PDXP: variants seen among roughly 807,000 people sequenced by gnomAD.
PDXP encodes pyridoxal phosphatase, also known as chronophin.
In PDXP, 15 loss-of-function variants were observed where a neutral mutation model predicts 14.4. The observed-to-expected ratio is 1.04, with a 90% CI of 0.70 to 1.60. The LOEUF (loss-of-function observed/expected upper bound fraction) is 1.60. Ranked by LOEUF, PDXP falls within the 40% of genes most tolerant of loss-of-function variation. The pLI is 0.00. For missense variants in PDXP, 413 were observed against 427.6 expected (o/e 0.97, Z 0.30); for synonymous variants, 233 against 205.6 (o/e 1.13, Z -1.14).
intron 1 of PDXP, among the ~76,000 whole-genome samples, chr22:37,663,314 A>AAAAT (rs1933240270): frequency 6.6e-6 from 1 of 151,758 alleles, no homozygotes; most frequent in African/African-American, 2.4e-5. Context: ...AAAAAAAAAA[A>AAAAT]AAAAAATCAT....
Position 37,665,975 on chromosome 22 carries a change from C to G in PDXP, c.*104C>G. 8.2e-7 allele frequency: 1 copy of G among 1,223,314 alleles called. No individual in the cohort carries two copies. The highest frequency in any genetic ancestry group is 1.2e-6 in the Non-Finnish European group (1 of 868,428). The allele number at this position is 1,223,314 out of a possible 1,614,324, so 75.8% of individuals were successfully genotyped here. On this transcript the variant is annotated 3_prime_UTR_variant, in exon 2 of 2. Transcript: ENST00000215904. ...TGTTAAGCACAACCGGCTCCTTGGT[C>G]CAGTTCTGCACCGGGGTGGGGCTGG...
chr22:37,665,355 G>A (rs1921034102), intron 1 of PDXP, among the ~76,000 whole-genome samples, 200 bp from the exon 2 acceptor site: 2 of 152,234 alleles, frequency 1.3e-5, no homozygotes, highest in East Asian at 3.9e-4. Context: ...TGCCAAGAAC[G>A]GTGGAGATGG....
intron 1 of PDXP, among the ~76,000 whole-genome samples, chr22:37,660,108 T>C (rs1004190892): frequency 2.0e-5 from 3 of 152,154 alleles, no homozygotes; most frequent in East Asian, 3.8e-4. Flanking sequence ...TGCTTGAGCC[T>C]AGGAGGTCAA....
At chr22:37,663,365 G>T (rs571376648) in intron 1 of PDXP, among the ~76,000 whole-genome samples, 6 of 151,476 alleles carry the variant, frequency 4.0e-5, no homozygotes, top group East Asian at 3.9e-4. Context: ...TTGAGACAGG[G>T]TCTCGCTCTG....
rs763030330 is a variant in PDXP, at chr22:37,661,917, A to ATTTT, written c.574+2600_574+2603dup. ...CTTTTATTCTCTCTCTTTTTCTTTA[A>ATTTT]TTTTTTTTTTTTTTTTTTTTTTTTT... On this transcript the variant is annotated intron_variant, in intron 1 of 1. Transcript: ENST00000215904. Among the ~76,000 whole-genome samples the ATTTT allele has an allele frequency of 1.2e-3, 87 of 71,206 alleles. 5 individuals carry two copies. The highest frequency in any genetic ancestry group is 2.4e-3 in the East Asian group (5 of 2,090). The allele number at this position is 71,206 out of a possible 152,430, so 46.7% of individuals were successfully genotyped here.
intron 1 of PDXP, among the ~76,000 whole-genome samples, chr22:37,661,553 A>G (rs1364737288): frequency 2.0e-5 from 3 of 152,206 alleles, no homozygotes; most frequent in Non-Finnish European, 4.4e-5. Context: ...CGTCATCAGC[A>G]TAACATGCAG....
intron 1 of PDXP, among the ~76,000 whole-genome samples, chr22:37,661,503 C>G (rs555528040): frequency 3.3e-4 from 51 of 152,312 alleles, no homozygotes; most frequent in African/African-American, 9.9e-4. Context: ...ATGGCAGCCA[C>G]TTGAGCTGAC....
chr22:37,664,453 G>C (rs539864408), intron 1 of PDXP, among the ~76,000 whole-genome samples: 3 of 152,230 alleles, frequency 2.0e-5, no homozygotes, highest in African/African-American at 7.2e-5. Flanking sequence ...TTCCTGCATA[G>C]GAAACAATCT....
Position 37,658,882 on chromosome 22 carries a change from G to A in PDXP, c.100G>A (p.Glu34Lys), listed in dbSNP as rs748333664. The A allele has an allele frequency of 1.6e-6, 2 of 1,222,254 alleles. No individual in the cohort carries two copies. The highest frequency in any genetic ancestry group is 4.2e-5 in the Admixed American group (1 of 23,624). The allele number at this position is 1,222,254 out of a possible 1,614,324, so 75.7% of individuals were successfully genotyped here. The change falls in exon 1 of 2, where the codon GAG becomes AAG. Residue 34 changes from glutamate to lysine, a missense_variant. By Grantham distance (56) the Glu-to-Lys change is moderately conservative. Coordinates refer to ENST00000215904, the MANE Select transcript of PDXP (RefSeq NM_020315.5). ...FDCDGVLWNG[E>K]RAVPGAPELL... The stretch of plus-strand genomic sequence containing the variant: ...CTGTGACGGGGTGCTGTGGAACGGC[G>A]AGCGCGCCGTGCCGGGCGCCCCGGA...
Position 37,658,920 on chromosome 22 carries a change from G to A in PDXP, c.138G>A (p.Arg46=). Residue 46 remains arginine, a synonymous_variant, in exon 1 of 2, where the codon CGG becomes CGA. Coordinates refer to ENST00000215904, the MANE Select transcript of PDXP (RefSeq NM_020315.5). ...AVPGAPELLE[R]LARAGKAALF... ...CGGGCGCCCCGGAGCTGCTGGAGCG[G>A]CTGGCGCGGGCCGGCAAGGCGGCTC... The A allele has an allele frequency of 2.5e-6, 3 of 1,220,362 alleles. No homozygotes were observed. Among genetic ancestry groups the A allele is most frequent in the Non-Finnish European group, 3.1e-6 (3 of 977,636 alleles). The allele number at this position is 1,220,362 out of a possible 1,614,324, so 75.6% of individuals were successfully genotyped here.
chr22:37,665,509 C>G, intron 1 of PDXP, 46 bp from the exon 2 acceptor site: 1 of 1,480,126 alleles, frequency 6.8e-7, no homozygotes, highest in Non-Finnish European at 9.1e-7. Context: ...GGGCCTGACG[C>G]TGTCCCTGCC....
chr22:37,658,904 C>T lies in PDXP; in HGVS notation c.122C>T (p.Pro41Leu). Residue 41 changes from proline to leucine, a missense_variant, in exon 1 of 2, where the codon CCG (proline) becomes CTG (leucine). Pro to Leu is a moderately conservative substitution (Grantham distance 98). Coordinates refer to ENST00000215904, the MANE Select transcript of PDXP (RefSeq NM_020315.5). ...GGCGAGCGCGCCGTGCCGGGCGCCC[C>T]GGAGCTGCTGGAGCGGCTGGCGCGG... ...WNGERAVPGA[P>L]ELLERLARAG... is the part of the protein sequence containing the mutation. The T allele has an allele frequency of 8.1e-7, 1 of 1,227,662 alleles. No individual in the cohort carries two copies. Among genetic ancestry groups the T allele is most frequent in the South Asian group, 3.2e-5 (1 of 31,616 alleles). 76.0% of individuals were successfully genotyped at this position (1,227,662 alleles called of 1,614,324 possible).
chr22:37,665,659 A>G lies in PDXP; in HGVS notation c.679A>G (p.Ser227Gly). The change falls in exon 2 of 2, where the codon AGC (serine) becomes GGC (glycine). Residue 227 changes from serine to glycine, a missense_variant. Physicochemically the swap from Ser to Gly is moderately conservative, Grantham distance 56. Transcript: ENST00000215904. The stretch of plus-strand genomic sequence containing the variant: ...GTTCGAGTGCATCACGGAGAACTTC[A>G]GCATCGACCCCGCACGCACGCTTAT... ...YMFECITENF[S>G]IDPARTLMVG... The G allele has an allele frequency of 6.2e-7, 1 of 1,614,100 alleles. No individual in the cohort carries two copies. The highest frequency in any genetic ancestry group is 8.5e-7 in the Non-Finnish European group (1 of 1,180,024).
In PDXP at chr22:37,665,965, G is replaced by C; in HGVS notation, c.*94G>C. The C allele has an allele frequency of 4.6e-6, 6 of 1,315,538 alleles. No homozygotes were observed. The highest frequency in any genetic ancestry group is 6.3e-6 in the Non-Finnish European group (6 of 946,826). 81.5% of individuals were successfully genotyped at this position (1,315,538 alleles called of 1,614,324 possible). On this transcript the variant is annotated 3_prime_UTR_variant, in exon 2 of 2. Coordinates refer to ENST00000215904, the MANE Select transcript of PDXP (RefSeq NM_020315.5). ...TCACGAGCCATGTTAAGCACAACCG[G>C]CTCCTTGGTCCAGTTCTGCACCGGG...
At chr22:37,660,959 A>G (rs1246795519) in intron 1 of PDXP, among the ~76,000 whole-genome samples, 2 of 152,140 alleles carry the variant, frequency 1.3e-5, no homozygotes, top group Non-Finnish European at 2.9e-5. Context: ...GGCTCACCTC[A>G]GCCTCAGTTT....
At chr22:37,660,073 A>G (rs1215813144) in intron 1 of PDXP, among the ~76,000 whole-genome samples, 1 of 152,138 alleles carries the variant, frequency 6.6e-6, no homozygotes, top group Non-Finnish European at 1.5e-5. Flanking sequence ...AGTCCCAGCT[A>G]CTCGAGAGGC....
At chr22:37,663,943 T>TTG (rs1920992863) in intron 1 of PDXP, among the ~76,000 whole-genome samples, 1 of 111,562 alleles carries the variant, frequency 9.0e-6, no homozygotes, top group Admixed American at 9.1e-5. Flanking sequence ...TTTTTTTTTT[T>TTG]TTGAGCCAGA....
rs1300123853 is a variant in PDXP at position 37,665,827 on chromosome 22, T to C, written c.847T>C (p.Tyr283His). The C allele has an allele frequency of 2.5e-6, 4 of 1,613,978 alleles. No individual in the cohort carries two copies. Among genetic ancestry groups the C allele is most frequent in the Non-Finnish European group, 2.5e-6 (3 of 1,180,028 alleles). Reference protein sequence around the residue: ...AGQHDLVPHYYVESIADLTEG... With the variant: ...AGQHDLVPHYHVESIADLTEG... Reference sequence around the variant, plus strand: ...CCAGCACGACCTCGTGCCCCATTACTATGTGGAGAGCATCGCAGACTTGAC... The same window carrying C: ...CCAGCACGACCTCGTGCCCCATTACCATGTGGAGAGCATCGCAGACTTGAC... Residue 283 changes from tyrosine (Y) to histidine (H), a missense_variant, in exon 2 of 2, where the codon TAT becomes CAT. Transcript: ENST00000215904.
intron 1 of PDXP, among the ~76,000 whole-genome samples, chr22:37,660,472 C>G (rs948685817): frequency 2.6e-5 from 4 of 152,206 alleles, no homozygotes; most frequent in African/African-American, 9.7e-5. Context: ...TGACACCGAC[C>G]TCCAGGGCAG....
Sources: gnomAD v4.1 joint callset for allele counts (sites outside exome capture counted in the v4.1 genomes callset) on GRCh38, gnomAD v4.1.1 for gene constraint, MANE v1.5 for transcripts, NCBI Gene and HGNC (gene_info 2026-07-23, HGNC 2026-07-21) for gene names.